Variants in ACSS3 observed in about 807,000 individuals in gnomAD.
The protein encoded by ACSS3 is acyl-CoA synthetase short-chain family member 3, mitochondrial.
In ACSS3, 64 loss-of-function variants were observed where a neutral mutation model predicts 84.2. That is an observed-to-expected ratio of 0.76 (90% CI 0.62 to 0.94). The LOEUF (loss-of-function observed/expected upper bound fraction) is 0.94, where lower values mean the gene tolerates loss of function less well. Among genes scored for constraint, ACSS3 ranks in the 40% least tolerant of loss-of-function variants. The pLI, the probability that ACSS3 is intolerant of heterozygous loss-of-function variation, is 0.00. For synonymous variants in ACSS3, 317 were observed against 310.1 expected (o/e 1.02, Z -0.23); for missense variants, 815 against 867.6 (o/e 0.94, Z 0.76).
intron 2 of ACSS3, among the ~76,000 whole-genome samples, chr12:81,129,958 T>C (rs1401837218): frequency 6.6e-6 from 1 of 152,132 alleles, no homozygotes; most frequent in Non-Finnish European, 1.5e-5. Context: ...CATGAACTCA[T>C]CCTTTTTTAT....
chr12:81,240,811 G>A (rs1195252888), intron 13 of ACSS3, among the ~76,000 whole-genome samples: 2 of 151,758 alleles, frequency 1.3e-5, no homozygotes, highest in African/African-American at 4.8e-5. Flanking sequence ...CATGGGCAGA[G>A]CAAATACCTT....
chr12:81,089,039 T>C (rs1788961846), intron 1 of ACSS3, among the ~76,000 whole-genome samples: 1 of 151,988 alleles, frequency 6.6e-6, no homozygotes, highest in African/African-American at 2.4e-5. Flanking sequence ...TATTAATCTC[T>C]TCCTTAAAAC....
intron 13 of ACSS3, among the ~76,000 whole-genome samples, chr12:81,242,056 G>A (rs1428757650): frequency 6.6e-6 from 1 of 151,944 alleles, no homozygotes; most frequent in Non-Finnish European, 1.5e-5. Flanking sequence ...TCTACATATG[G>A]CTAGCCAGTT....
intron 2 of ACSS3, among the ~76,000 whole-genome samples, chr12:81,119,511 C>A (rs781458453): frequency 7.9e-5 from 12 of 152,144 alleles, no homozygotes; most frequent in Admixed American, 3.9e-4. Context: ...CAATCCTTAT[C>A]TCAACCACAT....
intron 7 of ACSS3, 162 bp from the exon 8 acceptor site, chr12:81,174,626 T>A (rs2030334833): frequency 2.9e-6 from 2 of 687,144 alleles, no homozygotes; most frequent in African/African-American, 1.8e-5. Flanking sequence ...GCCTGGGTAT[T>A]TGGTTTGCTT....
chr12:81,132,016 G>T (rs866758507), intron 2 of ACSS3, among the ~76,000 whole-genome samples: 17 of 152,148 alleles, frequency 1.1e-4, no homozygotes, highest in African/African-American at 4.1e-4. Context: ...AAGTGCTGCT[G>T]GATTCGGTTT....
chr12:81,088,700 T>C (rs1022068710), intron 1 of ACSS3, among the ~76,000 whole-genome samples: 1 of 152,090 alleles, frequency 6.6e-6, no homozygotes, highest in African/African-American at 2.4e-5. Context: ...CCAGGCTGGC[T>C]GAATTTAGCA....
At chr12:81,108,213 A>G (rs1182034591) in intron 1 of ACSS3, among the ~76,000 whole-genome samples, 13 of 150,864 alleles carry the variant, frequency 8.6e-5, no homozygotes, top group Admixed American at 6.0e-4. Context: ...TTTGACTTTG[A>G]TTAAATGATT....
intron 9 of ACSS3, among the ~76,000 whole-genome samples, chr12:81,205,782 A>G (rs11114788): frequency 0.43 from 65,933 of 151,906 alleles, 14,813 homozygotes; most frequent in Middle Eastern, 0.49. Flanking sequence ...GGCTATAATA[A>G]GGAATTTTAT....
At chr12:81,213,961 T>TTCTTTCTTTCTC (rs1268650332) in intron 9 of ACSS3, among the ~76,000 whole-genome samples, 22 of 16,336 alleles carry the variant, frequency 1.3e-3, no homozygotes, top group African/African-American at 3.4e-3. Flanking sequence ...CTCTCTCTCT[T>TTCTTTCTTTCTC]TCTTTCTTTC....
At chr12:81,229,359 T>C (rs145764323) in intron 11 of ACSS3, among the ~76,000 whole-genome samples, 127 of 151,988 alleles carry the variant, frequency 8.4e-4, no homozygotes, top group Middle Eastern at 3.4e-3. Context: ...TATTGACATG[T>C]GATTTGCCAC....
At chr12:81,162,239 T>A (rs2135785794) in intron 7 of ACSS3, among the ~76,000 whole-genome samples, 1 of 152,278 alleles carries the variant, frequency 6.6e-6, no homozygotes, top group African/African-American at 2.4e-5. Context: ...AGACATGAAG[T>A]GGGTAGGTCC....
At chr12:81,214,779 T>G (rs905066547) in intron 9 of ACSS3, among the ~76,000 whole-genome samples, 3 of 152,216 alleles carry the variant, frequency 2.0e-5, no homozygotes, top group African/African-American at 7.2e-5. Flanking sequence ...GAATCCACAC[T>G]GTAAGAACTG....
At position 81,253,554 on chromosome 12, in the gene ACSS3, A is replaced by AT. The variant is rs778808677; in HGVS notation, c.1881dup (p.Gly628TrpfsTer44). On this transcript the variant is annotated frameshift_variant, in exon 15 of 16. Coordinates refer to ENST00000548058, the MANE Select transcript of ACSS3 (RefSeq NM_024560.4). LOFTEE classifies it high-confidence loss of function. The stretch of plus-strand genomic sequence containing the variant: ...AATTGTGAAACACGTTAGACAGAAC[A>AT]TTGGCCCTGTGGCTGCTTTTCGAAA... 1.2e-6 allele frequency: 2 copies of AT among 1,613,870 alleles called. No homozygotes were observed. The highest frequency in any genetic ancestry group is 1.3e-5 in the African/African-American group (1 of 74,908).
At chr12:81,116,404 CA>C (rs1364144186) in intron 2 of ACSS3, among the ~76,000 whole-genome samples, 2 of 152,026 alleles carry the variant, frequency 1.3e-5, no homozygotes, top group Non-Finnish European at 2.9e-5. Flanking sequence ...ATACTCAATC[CA>C]AAAGAGCAAC....
intron 1 of ACSS3, among the ~76,000 whole-genome samples, chr12:81,103,190 G>A (rs11114768): frequency 6.1e-4 from 93 of 152,174 alleles, no homozygotes; most frequent in African/African-American, 2.2e-3. Context: ...CAGGCCCTTG[G>A]GAAAAACTCG....
At chr12:81,224,340 G>C (rs1261371521) in intron 11 of ACSS3, among the ~76,000 whole-genome samples, 1 of 151,820 alleles carries the variant, frequency 6.6e-6, no homozygotes, top group Middle Eastern at 3.2e-3. Flanking sequence ...TGCACCCACT[G>C]TTCCAGAAGG....
chr12:81,214,517 C>T (rs530555126), intron 9 of ACSS3, among the ~76,000 whole-genome samples: 2 of 151,980 alleles, frequency 1.3e-5, no homozygotes, highest in African/African-American at 4.8e-5. Context: ...TAATAGTTGT[C>T]TTATAATCAT....
intron 5 of ACSS3, 175 bp downstream of exon 5, chr12:81,143,422 C>G (rs994961176): frequency 2.1e-6 from 1 of 472,476 alleles, no homozygotes; most frequent in East Asian, 3.4e-5. Context: ...GTGATCTCAC[C>G]TGACACAGTT....
Sources: allele counts gnomAD v4.1 joint callset (sites outside exome capture counted in the v4.1 genomes callset), GRCh38; gene constraint gnomAD v4.1.1; transcripts MANE v1.5; gene names NCBI Gene and HGNC (gene_info 2026-07-23, HGNC 2026-07-21).